SH3RF3: variants seen among roughly 807,000 people sequenced by gnomAD.
The protein encoded by SH3RF3 is SH3 domain containing ring finger 3, also known as E3 ubiquitin-protein ligase SH3RF3.
Under a neutral mutation model 66.3 loss-of-function variants are expected in SH3RF3, and 29 were observed. That is an observed-to-expected ratio of 0.44 (90% CI 0.33 to 0.60). SH3RF3 has a LOEUF of 0.60. Among genes scored for constraint, SH3RF3 ranks in the 20% least tolerant of loss-of-function variants. The probability of loss-of-function intolerance (pLI) is 0.04; values close to 1 mark genes in which losing one functional copy is unlikely to be tolerated. For missense variants in SH3RF3, 1,194 were observed against 1,190.9 expected, an observed-to-expected ratio of 1.00 and a Z score of -0.04; for synonymous variants, 583 against 532.0, an observed-to-expected ratio of 1.10 and a Z score of -1.32.
intron 1 of SH3RF3, among the ~76,000 whole-genome samples, chr2:109,298,569 T>C (rs898048515): frequency 1.3e-5 from 2 of 152,066 alleles, no homozygotes; most frequent in Non-Finnish European, 2.9e-5. Context: ...CTGCCAGCCC[T>C]GCAGGAGGAT....
chr2:109,442,064 C>T (rs1475835342), intron 7 of SH3RF3, among the ~76,000 whole-genome samples: 1 of 152,196 alleles, frequency 6.6e-6, no homozygotes, highest in African/African-American at 2.4e-5. Flanking sequence ...GTAATCCCAG[C>T]ACTTTGGGAG....
chr2:109,334,683 C>T (rs895037061), intron 1 of SH3RF3, among the ~76,000 whole-genome samples: 6 of 152,160 alleles, frequency 3.9e-5, no homozygotes, highest in African/African-American at 1.4e-4. Flanking sequence ...GAAAGGAGAC[C>T]CACAGACACA....
At chr2:109,463,871 T>C (rs1362444429) in intron 8 of SH3RF3, among the ~76,000 whole-genome samples, 2 of 152,178 alleles carry the variant, frequency 1.3e-5, no homozygotes, top group Admixed American at 6.5e-5. Context: ...AGCTGGGCTT[T>C]GAGGACTCTG....
At chr2:109,208,101 TCA>T (rs57107739) in intron 1 of SH3RF3, among the ~76,000 whole-genome samples, 13,052 of 152,292 alleles carry the variant, frequency 0.086, 993 homozygotes, top group East Asian at 0.31. Context: ...TGCTGGGCCC[TCA>T]GACACACATG....
At chr2:109,253,314 C>T (rs1290542139) in intron 1 of SH3RF3, among the ~76,000 whole-genome samples, 3 of 152,198 alleles carry the variant, frequency 2.0e-5, no homozygotes, top group Non-Finnish European at 2.9e-5. Context: ...CCACTGCGCC[C>T]GGCCTAGCCT....
In SH3RF3 at chr2:109,502,428, A is replaced by G. The variant is rs950095447; in HGVS notation, c.*757A>G. The G allele has an allele frequency of 3.9e-5, 6 of 152,290 alleles. No individual in the cohort carries two copies. The highest frequency in any genetic ancestry group is 3.9e-4 in the Admixed American group (6 of 15,296). The allele number at this position is 152,290 out of a possible 1,614,324, so 9.4% of individuals were successfully genotyped here. On this transcript the variant is annotated 3_prime_UTR_variant, in exon 10 of 10. Coordinates refer to ENST00000309415, the MANE Select transcript of SH3RF3 (RefSeq NM_001099289.3). ...GGTGCTGCCTTTTTGTAAAACTAAT[A>G]ATGACTTGGTTGAGCTTGAAAGAAA...
At chr2:109,380,054 G>C (rs1219205414) in intron 3 of SH3RF3, among the ~76,000 whole-genome samples, 1 of 152,150 alleles carries the variant, frequency 6.6e-6, no homozygotes, top group African/African-American at 2.4e-5. Flanking sequence ...CTACATAAGA[G>C]GGAGACTCCA....
chr2:109,165,041 A>G (rs921855823), intron 1 of SH3RF3, among the ~76,000 whole-genome samples: 1 of 152,096 alleles, frequency 6.6e-6, no homozygotes, highest in Non-Finnish European at 1.5e-5. Flanking sequence ...TCACGGAATC[A>G]TTTTCCATCT....
At chr2:109,447,166 A>G (rs2104625249) in intron 7 of SH3RF3, among the ~76,000 whole-genome samples, 1 of 149,988 alleles carries the variant, frequency 6.7e-6, no homozygotes, top group Middle Eastern at 3.4e-3. Flanking sequence ...AAAAAAAAAA[A>G]AAGAAAAGAA....
chr2:109,304,212 C>G (rs1681540423), intron 1 of SH3RF3, among the ~76,000 whole-genome samples: 1 of 152,166 alleles, frequency 6.6e-6, no homozygotes, highest in Non-Finnish European at 1.5e-5. Flanking sequence ...ACTCATCTTG[C>G]AGAACTAAAC....
At chr2:109,423,502 CAG>C (rs1046832215) in intron 5 of SH3RF3, among the ~76,000 whole-genome samples, 2 of 152,216 alleles carry the variant, frequency 1.3e-5, no homozygotes, top group African/African-American at 4.8e-5. Context: ...CAACACAAGA[CAG>C]GGGCACCTTC....
chr2:109,340,396 G>C (rs1411174873), intron 1 of SH3RF3, among the ~76,000 whole-genome samples: 1 of 152,212 alleles, frequency 6.6e-6, no homozygotes, highest in Non-Finnish European at 1.5e-5. Flanking sequence ...AGTACTGCTG[G>C]AACCCAGAGA....
At chr2:109,191,608 A>C (rs1033696036) in intron 1 of SH3RF3, among the ~76,000 whole-genome samples, 1 of 152,168 alleles carries the variant, frequency 6.6e-6, no homozygotes, top group African/African-American at 2.4e-5. Context: ...ACCCTTTCAC[A>C]TGAAGAAAGT....
intron 4 of SH3RF3, among the ~76,000 whole-genome samples, chr2:109,407,921 CACAG>C (rs1676489235): frequency 6.6e-6 from 1 of 152,202 alleles, no homozygotes; most frequent in African/African-American, 2.4e-5. Context: ...GCTTACCAAT[CACAG>C]TGCAGGGTGC....
chr2:109,380,004 G>C (rs968078712), intron 3 of SH3RF3, among the ~76,000 whole-genome samples: 1 of 152,062 alleles, frequency 6.6e-6, no homozygotes, highest in Non-Finnish European at 1.5e-5. Flanking sequence ...TTGGATTAAC[G>C]ACATAAAGAA....
At chr2:109,194,666 G>A (rs947318800) in intron 1 of SH3RF3, among the ~76,000 whole-genome samples, 108 of 152,326 alleles carry the variant, frequency 7.1e-4, no homozygotes, top group African/African-American at 2.5e-3. Flanking sequence ...TTGGTGATCA[G>A]CAGAGCTTAG....
rs185716977 is a variant in SH3RF3 at position 109,466,412 on chromosome 2, A to G, written c.2148+16923A>G. ...CTTTTTTAATGAGATGTCTGTTTAG[A>G]TCTTTGCTGAGTTTTTAATTGGGTT... is the stretch of plus-strand genomic sequence containing the variant. On this transcript the variant is annotated intron_variant, in intron 8 of 9. Coordinates refer to ENST00000309415, the MANE Select transcript of SH3RF3 (RefSeq NM_001099289.3). Among the ~76,000 whole-genome samples the G allele has an allele frequency of 3.6e-4, 55 of 152,064 alleles. No homozygotes were observed. The East Asian group carries it at 0.01, about 28-fold the overall frequency.
At chr2:109,290,434 A>G (rs1222527801) in intron 1 of SH3RF3, among the ~76,000 whole-genome samples, 1 of 152,202 alleles carries the variant, frequency 6.6e-6, no homozygotes. Context: ...ACACACATAT[A>G]TGCATGCACC....
chr2:109,304,955 C>T (rs538439738), intron 1 of SH3RF3, among the ~76,000 whole-genome samples: 3 of 152,258 alleles, frequency 2.0e-5, no homozygotes, highest in African/African-American at 4.8e-5. Flanking sequence ...GTAAAATCAG[C>T]GTCAACTTAT....
Sources: allele counts gnomAD v4.1 joint callset (sites outside exome capture counted in the v4.1 genomes callset), GRCh38; gene constraint gnomAD v4.1.1; transcripts MANE v1.5; gene names NCBI Gene and HGNC (gene_info 2026-07-23, HGNC 2026-07-21).